CEP68: variants seen among roughly 807,000 people sequenced by gnomAD.
CEP68 encodes the protein centrosomal protein 68, also known as centrosomal protein of 68 kDa.
CEP68 carries 26 observed loss-of-function variants against 55.3 expected under a neutral mutation model. The ratio of observed to expected loss-of-function variants is 0.47; its 90% confidence interval spans 0.34 to 0.65. CEP68 has a LOEUF of 0.65. Ranked by LOEUF, CEP68 falls within the 30% of genes least tolerant of loss-of-function variation. CEP68 has a pLI of 0.01. For synonymous variants in CEP68, 402 were observed against 383.2 expected (o/e 1.05, Z -0.57); for missense variants, 957 against 946.7 (o/e 1.01, Z -0.14).
chr2:65,072,276 T>G lies in CEP68; in HGVS notation c.1180T>G (p.Trp394Gly). Residue 394 changes from tryptophan (W) to glycine (G), a missense_variant, in exon 3 of 7, where the codon TGG (tryptophan) becomes GGG (glycine). Trp to Gly is a radical substitution (Grantham distance 184). Coordinates refer to ENST00000377990, the MANE Select transcript of CEP68 (RefSeq NM_015147.3). ...QKQGGMGLAS[W>G]SQLASTPRAP... ...ACAGGGTGGCATGGGCTTGGCATCT[T>G]GGAGCCAACTTGCATCTACCCCCAG... The G allele has an allele frequency of 6.2e-7, 1 of 1,613,962 alleles. No individual in the cohort carries two copies. Among genetic ancestry groups the G allele is most frequent in the Non-Finnish European group, 8.5e-7 (1 of 1,179,978 alleles).
chr2:65,056,947 G>C (rs1004132296), intron 1 of CEP68, among the ~76,000 whole-genome samples: 2 of 152,258 alleles, frequency 1.3e-5, no homozygotes, highest in Non-Finnish European at 2.9e-5. Context: ...TGTTTACCCA[G>C]CTCCCCAGTC....
chr2:65,058,497 CT>C lies in CEP68; in HGVS notation c.-47+1995del, dbSNP rs34477880. Among the ~76,000 whole-genome samples, 64 of 75,684 alleles carry C rather than the reference CT, an allele frequency of 8.5e-4. 2 individuals are homozygous for C. The highest frequency in any genetic ancestry group is 1.0e-3 in the Non-Finnish European group (45 of 43,834). The allele number at this position is 75,684 out of a possible 152,430, so 49.7% of individuals were successfully genotyped here. A position where few individuals can be genotyped will look rare whatever the true frequency, so the allele number is the denominator to read the frequency against. On this transcript the variant is annotated intron_variant, in intron 1 of 6. Coordinates refer to ENST00000377990, the MANE Select transcript of CEP68 (RefSeq NM_015147.3). ...CCTTATCCGATGGCTGATTTTTTTC[CT>C]TTTTTTTTTTTTTTTTTTTTTTTTT...
chr2:65,083,251 G>A (rs1393701379), intron 6 of CEP68, among the ~76,000 whole-genome samples: 2 of 152,176 alleles, frequency 1.3e-5, no homozygotes, highest in Non-Finnish European at 2.9e-5. Flanking sequence ...AAAAGGCTAG[G>A]GGGATGGAGG....
Position 65,082,572 on chromosome 2 carries a change from C to G in CEP68, c.2141C>G (p.Ser714Cys). 2 of 1,595,296 alleles carry G rather than the reference C, an allele frequency of 1.3e-6. No individual in the cohort carries two copies. Among genetic ancestry groups the G allele is most frequent in the East Asian group, 2.2e-5 (1 of 44,450 alleles). The change falls in exon 6 of 7, where the codon TCT becomes TGT. Residue 714 changes from serine to cysteine, a missense_variant. Ser to Cys is a moderately radical substitution (Grantham distance 112, BLOSUM62 -1). Coordinates refer to ENST00000377990, the MANE Select transcript of CEP68 (RefSeq NM_015147.3). ...GTCCTTGGGAGGATCGCAAAGCAGTCTGGTGAGCTGGAGAGCCACGCAGAT... is the reference window on the plus strand; with the variant it reads ...GTCCTTGGGAGGATCGCAAAGCAGTGTGGTGAGCTGGAGAGCCACGCAGAT... ...EDVLGRIAKQ[S>C]GELESHADRL...
In CEP68 at chr2:65,072,487, C is replaced by A. The variant is rs1214395878; in HGVS notation, c.1391C>A (p.Thr464Asn). The A allele has an allele frequency of 3.7e-6, 6 of 1,614,054 alleles. No individual in the cohort carries two copies. Among genetic ancestry groups the A allele is most frequent in the Non-Finnish European group, 5.1e-6 (6 of 1,180,022 alleles). ...KRTSQSARRP[T>N]CTESRWKSEE... ...ACCAGCCAGAGTGCCCGGCGCCCTA[C>A]CTGCACAGAGTCTAGGTGGAAATCA... The change falls in exon 3 of 7, where the codon ACC (threonine) becomes AAC (asparagine). Residue 464 changes from threonine to asparagine, a missense_variant. Transcript: ENST00000377990.
chr2:65,076,985 T>TTGACTC, intron 4 of CEP68, among the ~76,000 whole-genome samples: 1 of 140,376 alleles, frequency 7.1e-6, no homozygotes, highest in Middle Eastern at 3.5e-3. Flanking sequence ...GGTCATGGAT[T>TTGACTC]TGACTTTACC....
At chr2:65,074,100 G>A (rs1311321484) in intron 3 of CEP68, 182 bp from the exon 4 acceptor site, 40 of 627,576 alleles carry the variant, frequency 6.4e-5, no homozygotes, top group Non-Finnish European at 1.3e-5. Context: ...CCAGGCTGTG[G>A]TTTTCATTGC....
intron 2 of CEP68, 48 bp downstream of exon 2, chr2:65,069,849 G>A: frequency 6.6e-7 from 1 of 1,513,150 alleles, no homozygotes; most frequent in Non-Finnish European, 9.1e-7. Flanking sequence ...TGTCCTTTGG[G>A]AGTTTGTTCA....
chr2:65,074,540 G>C, intron 4 of CEP68, 136 bp downstream of exon 4: 1 of 1,272,804 alleles, frequency 7.9e-7, no homozygotes. Context: ...AATCTAATTA[G>C]AGCTTCACAT....
Position 65,083,454 on chromosome 2 carries a change from A to G in CEP68, c.*5-185A>G, listed in dbSNP as rs142886679. Among the ~76,000 whole-genome samples, 544 of 152,382 alleles carry G rather than the reference A, an allele frequency of 3.6e-3. 2 individuals are homozygous for G. The highest frequency in any genetic ancestry group is 0.012 in the African/African-American group (516 of 41,598). On this transcript the variant is annotated intron_variant, in intron 6 of 6. Transcript: ENST00000377990. ...GTCGCTCCTACAACAAAATGTTTGT[A>G]GTGCTTAACTCATAGATTTTCTAGG...
intron 5 of CEP68, among the ~76,000 whole-genome samples, chr2:65,079,557 G>T (rs1482701648): frequency 6.6e-6 from 1 of 152,178 alleles, no homozygotes; most frequent in African/African-American, 2.4e-5. Flanking sequence ...GGCTCTTCTG[G>T]CATTTTCACT....
At chr2:65,056,717 G>A (rs1026739812) in intron 1 of CEP68, among the ~76,000 whole-genome samples, 189 bp downstream of exon 1, 1 of 152,084 alleles carries the variant, frequency 6.6e-6, no homozygotes, top group South Asian at 2.1e-4. Flanking sequence ...TCCCTGGGGG[G>A]CGGGGGCGCC....
chr2:65,074,128 C>G, intron 3 of CEP68, 154 bp from the exon 4 acceptor site: 1 of 772,474 alleles, frequency 1.3e-6, no homozygotes, highest in South Asian at 1.8e-5. Context: ...GAGGGAGGTA[C>G]AGAGTCGTGG....
chr2:65,066,742 A>G, intron 1 of CEP68, among the ~76,000 whole-genome samples: 1 of 98,668 alleles, frequency 1.0e-5, no homozygotes, highest in East Asian at 2.5e-4. Context: ...AAAAAAAAAA[A>G]AAAATATATA....
chr2:65,077,708 A>G (rs1676828909), intron 4 of CEP68, among the ~76,000 whole-genome samples, 160 bp from the exon 5 acceptor site: 1 of 152,190 alleles, frequency 6.6e-6, no homozygotes. Context: ...CTGAAGTTAA[A>G]CTGTTGCACT....
At position 65,071,972 on chromosome 2, in the gene CEP68, C is replaced by G. The variant is rs1211741911; in HGVS notation, c.876C>G (p.Leu292=). 7.4e-6 allele frequency: 12 copies of G among 1,613,048 alleles called. No homozygotes were observed. Among genetic ancestry groups the G allele is most frequent in the Non-Finnish European group, 9.3e-6 (11 of 1,180,022 alleles). Residue 292 remains leucine (L), a synonymous_variant, in exon 3 of 7, where the codon CTC becomes CTG. Transcript: ENST00000377990. ...CATCACCCGACCGCCACTCCCCTCT[C>G]TGGAACCCAAATAAAGAGTATGAAG... ...LPPSPDRHSP[L]WNPNKEYEDL... is the part of the protein sequence containing the mutation.
intron 5 of CEP68, chr2:65,080,437 A>C: frequency 1.0e-6 from 1 of 985,432 alleles, no homozygotes; most frequent in South Asian, 4.7e-5. Context: ...TCAAAAGTCC[A>C]TAGAGCCAGC....
rs377085400 is a variant in CEP68, at chr2:65,072,801, G to T, written c.1705G>T (p.Ala569Ser). The T allele has an allele frequency of 1.9e-6, 3 of 1,614,156 alleles. No individual in the cohort carries two copies. In the South Asian group the frequency reaches 3.3e-5, roughly 18 times the overall value. ...LRSFVRAHDS[A>S]GEGSLGSSQA... is the part of the protein sequence containing the mutation. ...CTCCTTCGTCCGTGCCCACGACTCC[G>T]CAGGGGAAGGCAGTCTGGGGAGCAG... The change falls in exon 3 of 7, where the codon GCA becomes TCA. Residue 569 changes from alanine to serine, a missense_variant. Physicochemically the swap from Ala to Ser is moderately conservative, Grantham distance 99 (BLOSUM62 1). Transcript: ENST00000377990.
Position 65,078,038 on chromosome 2 carries a change from C to A in CEP68, c.2104+74C>A, listed in dbSNP as rs1479312482. On this transcript the variant is annotated intron_variant, in intron 5 of 6. Transcript: ENST00000377990. ...CAGCAGGCCCAGGGACCGCACTATC[C>A]CTGGTAAGGAGCTGGTACCACAAGA... 2.0e-5 allele frequency: 22 copies of A among 1,113,654 alleles called. 1 individual carries two copies. In the East Asian group the frequency reaches 4.8e-4, roughly 24 times the overall value. 69.0% of individuals were successfully genotyped at this position (1,113,654 alleles called of 1,614,324 possible). A position where few individuals can be genotyped will look rare whatever the true frequency, so the allele number is the denominator to read the frequency against.
Sources: gnomAD v4.1 joint callset for allele counts (sites outside exome capture counted in the v4.1 genomes callset) on GRCh38, gnomAD v4.1.1 for gene constraint, MANE v1.5 for transcripts, NCBI Gene and HGNC (gene_info 2026-07-23, HGNC 2026-07-21) for gene names.